GSTO1: variants seen among roughly 807,000 people sequenced by gnomAD.
GSTO1 encodes glutathione S-transferase omega-1.
GSTO1 carries 27 observed loss-of-function variants against 23.8 expected under a neutral mutation model. That is an observed-to-expected ratio of 1.13 (90% CI 0.83 to 1.56). The LOEUF is 1.56. Among genes scored for constraint, GSTO1 ranks in the 40% most tolerant of loss-of-function variants. GSTO1 has a pLI of 0.00. For missense variants in GSTO1, 255 were observed against 285.8 expected (o/e 0.89, Z 0.78); for synonymous variants, 105 against 109.3 (o/e 0.96, Z 0.25).
chr10:104,258,545 A>G (rs1382996323), intron 2 of GSTO1, among the ~76,000 whole-genome samples: 1 of 152,194 alleles, frequency 6.6e-6, no homozygotes, highest in Non-Finnish European at 1.5e-5. Flanking sequence ...ACTCAACAAC[A>G]AAAAAACCTG....
intron 4 of GSTO1, among the ~76,000 whole-genome samples, chr10:104,263,653 G>C (rs2011156808): frequency 6.6e-6 from 1 of 152,180 alleles, no homozygotes; most frequent in South Asian, 2.1e-4. Context: ...TGCTAAGCCT[G>C]AAGTTTTTAC....
chr10:104,255,362 C>G, intron 2 of GSTO1, 91 bp downstream of exon 2: 15 of 777,996 alleles, frequency 1.9e-5, no homozygotes, highest in South Asian at 1.5e-4. Flanking sequence ...CCTTCTACCC[C>G]CCTCCCACCA....
chr10:104,264,390 G>A (rs1450394163), intron 4 of GSTO1, among the ~76,000 whole-genome samples: 1 of 152,096 alleles, frequency 6.6e-6, no homozygotes, highest in East Asian at 1.9e-4. Context: ...ACAGAACACA[G>A]TAGGTAGATA....
chr10:104,263,102 C>G, intron 4 of GSTO1, 25 bp downstream of exon 4: 1 of 930,804 alleles, frequency 1.1e-6, no homozygotes, highest in South Asian at 1.4e-5. Context: ...TAGCTATCAT[C>G]AGAGTAAACG....
intron 4 of GSTO1, among the ~76,000 whole-genome samples, chr10:104,265,133 A>G (rs1369830902): frequency 2.0e-5 from 3 of 152,200 alleles, no homozygotes; most frequent in African/African-American, 7.2e-5. Context: ...AATATTTTTA[A>G]TTTTTAATGC....
In GSTO1 at chr10:104,255,152, C is replaced by T. The variant is rs753446782; in HGVS notation, c.35-11C>T. 6.2e-7 allele frequency: 1 copy of T among 1,604,218 alleles called. No individual in the cohort carries two copies. Among genetic ancestry groups the T allele is most frequent in the Non-Finnish European group, 8.5e-7 (1 of 1,171,352 alleles). On this transcript the variant is annotated splice_polypyrimidine_tract_variant and intron_variant, in intron 1 of 5. Transcript: ENST00000369713. ...CTCTGGGCCGTAATCGCCTTCGCTT[C>T]TCCCCGGCAGGAAGCGCGCCCCCGG...
At position 104,256,231 on chromosome 10, in the gene GSTO1, CAT is replaced by C. The variant is rs556355057; in HGVS notation, c.143+962_143+963del. Among the ~76,000 whole-genome samples, 37 of 152,286 alleles carry C rather than the reference CAT, an allele frequency of 2.4e-4. No homozygotes were observed. In the South Asian group the frequency reaches 2.7e-3, roughly 11 times the overall value. Reference sequence around the variant, plus strand: ...TTGGATGAGATTATGATTCTGAACACATAGAGTACTTACTATTTCATAATGTT... The same window carrying C: ...TTGGATGAGATTATGATTCTGAACACAGAGTACTTACTATTTCATAATGTT... On this transcript the variant is annotated intron_variant, in intron 2 of 5. Transcript: ENST00000369713.
chr10:104,262,885 C>T, intron 3 of GSTO1, 94 bp from the exon 4 acceptor site: 1 of 623,232 alleles, frequency 1.6e-6, no homozygotes, highest in Middle Eastern at 3.1e-4. Context: ...AACACCTTGA[C>T]ACCAGGACTG....
chr10:104,266,786 G>A (rs1023390391), intron 5 of GSTO1, among the ~76,000 whole-genome samples: 3 of 151,844 alleles, frequency 2.0e-5, no homozygotes, highest in African/African-American at 7.3e-5. Flanking sequence ...ATGTTGTTGC[G>A]GGATTGTACG....
At position 104,262,932 on chromosome 10, in the gene GSTO1, T is replaced by C. The variant is rs199784804; in HGVS notation, c.367-47T>C. ...CCATATTTTTATGTGAGGGGGCCGA[T>C]ACAGTTAGCCATAAACTGATAAACT... On this transcript the variant is annotated intron_variant, in intron 3 of 5. Transcript: ENST00000369713. 6.6e-5 allele frequency: 54 copies of C among 823,530 alleles called. No homozygotes were observed. The African/African-American group carries it at 8.7e-4, about 13-fold the overall frequency. 51.0% of individuals were successfully genotyped at this position (823,530 alleles called of 1,614,324 possible).
chr10:104,262,786 A>G (rs1397182026), intron 3 of GSTO1, among the ~76,000 whole-genome samples, 193 bp from the exon 4 acceptor site: 3 of 152,168 alleles, frequency 2.0e-5, no homozygotes, highest in Admixed American at 6.5e-5. Context: ...ATCCTGACCA[A>G]GCCAGCATTT....
At chr10:104,263,362 A>G (rs904380595) in intron 4 of GSTO1, among the ~76,000 whole-genome samples, 11 of 152,382 alleles carry the variant, frequency 7.2e-5, no homozygotes, top group African/African-American at 2.6e-4. Context: ...CCACGTTTCC[A>G]CAAGTTTTTA....
chr10:104,263,352 C>G (rs992679554), intron 4 of GSTO1, among the ~76,000 whole-genome samples: 4 of 152,116 alleles, frequency 2.6e-5, no homozygotes, highest in African/African-American at 9.7e-5. Context: ...GAAATTGTAC[C>G]CACGTTTCCA....
chr10:104,266,465 G>A, intron 5 of GSTO1, among the ~76,000 whole-genome samples: 1 of 152,226 alleles, frequency 6.6e-6, no homozygotes, highest in Non-Finnish European at 1.5e-5. Flanking sequence ...GGAAGGATAT[G>A]GTAGCTTACG....
chr10:104,259,462 C>A (rs777155630), intron 2 of GSTO1, 114 bp from the exon 3 acceptor site: 15 of 637,688 alleles, frequency 2.4e-5, no homozygotes, highest in Non-Finnish European at 3.6e-5. Context: ...GGAATCTAGG[C>A]AGACTCCTAA....
chr10:104,255,031 G>A (rs1487360503), intron 1 of GSTO1, 69 bp downstream of exon 1: 2 of 1,515,172 alleles, frequency 1.3e-6, no homozygotes, highest in Non-Finnish European at 1.8e-6. Flanking sequence ...AGGCTGCTCC[G>A]GGAGCCCAGC....
intron 4 of GSTO1, among the ~76,000 whole-genome samples, chr10:104,265,855 CTTGTT>C (rs1247987735): frequency 1.3e-5 from 2 of 152,104 alleles, no homozygotes; most frequent in African/African-American, 2.4e-5. Flanking sequence ...TACTCTGTGA[CTTGTT>C]TTATTTTTCA....
At chr10:104,266,231 G>A (rs1255929006) in intron 5 of GSTO1, 41 bp downstream of exon 5, 3 of 1,051,654 alleles carry the variant, frequency 2.9e-6, no homozygotes, top group Non-Finnish European at 4.5e-6. Flanking sequence ...TAGGATGACA[G>A]GTGGAATAGT....
At chr10:104,256,250 CATA>C (rs1416364051) in intron 2 of GSTO1, among the ~76,000 whole-genome samples, 4 of 152,202 alleles carry the variant, frequency 2.6e-5, no homozygotes, top group Non-Finnish European at 4.4e-5. Flanking sequence ...CTTACTATTT[CATA>C]ATGTTTCTCA....
Sources: allele counts gnomAD v4.1 joint callset (sites outside exome capture counted in the v4.1 genomes callset), GRCh38; gene constraint gnomAD v4.1.1; transcripts MANE v1.5; gene names NCBI Gene and HGNC (gene_info 2026-07-23, HGNC 2026-07-21).